The following ACOXL variants were observed in gnomAD, a reference collection of about 807,000 sequenced individuals.
ACOXL encodes the protein acyl-coenzyme A oxidase-like protein.
A neutral mutation model predicts 71.9 loss-of-function variants in ACOXL; 70 were observed. The observed-to-expected ratio is 0.97, with a 90% CI of 0.80 to 1.19. The LOEUF is 1.19. Ranked by LOEUF, ACOXL falls within the 50% of genes most tolerant of loss-of-function variation. The probability of loss-of-function intolerance (pLI) is 0.00; values close to 1 mark genes in which losing one functional copy is unlikely to be tolerated. For synonymous variants in ACOXL, 253 were observed against 281.6 expected (o/e 0.90, Z 1.02); for missense variants, 703 against 736.3 (o/e 0.95, Z 0.52).
At chr2:110,931,438 G>A (rs898118169) in intron 11 of ACOXL, among the ~76,000 whole-genome samples, 1 of 152,154 alleles carries the variant, frequency 6.6e-6, no homozygotes, top group Non-Finnish European at 1.5e-5. Context: ...TTCTCTGAGA[G>A]TCATTGTATT....
chr2:110,908,765 A>G (rs1276475122), intron 10 of ACOXL, 24 bp from the exon 11 acceptor site: 13 of 1,593,076 alleles, frequency 8.2e-6, no homozygotes, highest in Non-Finnish European at 1.1e-5. Flanking sequence ...TTTGGTAAAA[A>G]TCGTGTCTGT....
intron 12 of ACOXL, among the ~76,000 whole-genome samples, chr2:110,952,258 A>G (rs1327668763): frequency 6.6e-6 from 1 of 152,160 alleles, no homozygotes; most frequent in Non-Finnish European, 1.5e-5. Flanking sequence ...AAAATTTATC[A>G]ACCATAAAGT....
At chr2:111,024,587 G>A (rs1380842309) in intron 14 of ACOXL, among the ~76,000 whole-genome samples, 2 of 152,146 alleles carry the variant, frequency 1.3e-5, no homozygotes, top group Admixed American at 6.5e-5. Flanking sequence ...TTAGCCACTA[G>A]GATTGTGGTA....
chr2:110,827,764 G>A (rs988849149), intron 9 of ACOXL, among the ~76,000 whole-genome samples: 1 of 152,116 alleles, frequency 6.6e-6, no homozygotes, highest in African/African-American at 2.4e-5. Context: ...GTGAGGATGA[G>A]GGGAGGAGAG....
chr2:110,782,865 G>T (rs1289155796), intron 2 of ACOXL, among the ~76,000 whole-genome samples: 1 of 152,210 alleles, frequency 6.6e-6, no homozygotes, highest in Non-Finnish European at 1.5e-5. Flanking sequence ...AGGGTTTGTT[G>T]TGATGATTCC....
intron 2 of ACOXL, among the ~76,000 whole-genome samples, chr2:110,773,688 G>T (rs539455030): frequency 6.6e-6 from 1 of 152,324 alleles, no homozygotes; most frequent in African/African-American, 2.4e-5. Context: ...CTAGTGGGCT[G>T]TGACAGGCTC....
intron 12 of ACOXL, among the ~76,000 whole-genome samples, chr2:110,955,739 A>C (rs183044356): frequency 6.6e-6 from 1 of 151,418 alleles, no homozygotes; most frequent in African/African-American, 2.4e-5. Context: ...GGGCGTTTGC[A>C]CAGGCTGCTC....
At position 110,783,459 on chromosome 2, in the gene ACOXL, A is replaced by G. The variant is rs545650472; in HGVS notation, c.76-1273A>G. Among the ~76,000 whole-genome samples, 69 of 152,310 alleles carry G rather than the reference A, an allele frequency of 4.5e-4. 1 individual carries two copies. The highest frequency in any genetic ancestry group is 2.1e-3 in the East Asian group (11 of 5,184). On this transcript the variant is annotated intron_variant, in intron 2 of 17. Transcript: ENST00000439055. ...ATCTTGACAGCCTGCTGTTTGTTCA[A>G]ATTAATAATGGTTGAGAGAAACATT...
At chr2:110,905,413 A>G (rs1232854543) in intron 10 of ACOXL, among the ~76,000 whole-genome samples, 1 of 152,194 alleles carries the variant, frequency 6.6e-6, no homozygotes, top group African/African-American at 2.4e-5. Context: ...AAGTCAAGCT[A>G]TAGCGGACTC....
At chr2:110,784,307 G>T (rs1683684399) in intron 2 of ACOXL, among the ~76,000 whole-genome samples, 1 of 152,162 alleles carries the variant, frequency 6.6e-6, no homozygotes, top group Non-Finnish European at 1.5e-5. Flanking sequence ...ATTCTTTGTT[G>T]GTTGGGGCAT....
intron 8 of ACOXL, among the ~76,000 whole-genome samples, chr2:110,804,658 A>T (rs549194212): frequency 2.7e-4 from 41 of 152,364 alleles, no homozygotes; most frequent in African/African-American, 9.9e-4. Context: ...CCATGAAAAG[A>T]AATGGAGTAC....
chr2:110,803,508 A>T (rs1330366070), intron 8 of ACOXL, among the ~76,000 whole-genome samples: 6 of 152,212 alleles, frequency 3.9e-5, no homozygotes, highest in Non-Finnish European at 8.8e-5. Context: ...CCTACCATAT[A>T]CAAAAATCAA....
chr2:110,976,758 AAAG>A (rs2062462003), intron 12 of ACOXL, among the ~76,000 whole-genome samples: 1 of 152,212 alleles, frequency 6.6e-6, no homozygotes, highest in Non-Finnish European at 1.5e-5. Flanking sequence ...TGTTCAACAG[AAAG>A]AAGCAGGAAG....
chr2:110,853,688 A>G (rs564142817), intron 10 of ACOXL, among the ~76,000 whole-genome samples: 1 of 152,198 alleles, frequency 6.6e-6, no homozygotes, highest in Non-Finnish European at 1.5e-5. Flanking sequence ...AGAGACACAA[A>G]TGCACAGTAG....
chr2:111,083,563 T>A (rs2068041458), intron 16 of ACOXL, among the ~76,000 whole-genome samples: 1 of 150,854 alleles, frequency 6.6e-6, no homozygotes, highest in East Asian at 1.9e-4. Context: ...AGGGTTTTTT[T>A]GTTTTTTTTT....
At chr2:111,081,625 C>G (rs189391480) in intron 16 of ACOXL, among the ~76,000 whole-genome samples, 49 of 152,112 alleles carry the variant, frequency 3.2e-4, no homozygotes, top group Admixed American at 1.0e-3. Flanking sequence ...CAATGCTATC[C>G]CCACCAAGCT....
intron 1 of ACOXL, among the ~76,000 whole-genome samples, chr2:110,749,469 T>C (rs1024325327): frequency 2.6e-5 from 4 of 152,164 alleles, no homozygotes; most frequent in African/African-American, 4.8e-5. Context: ...CTCACGCCTG[T>C]AATCTCAGCA....
At chr2:110,872,611 T>C (rs1229770861) in intron 10 of ACOXL, among the ~76,000 whole-genome samples, 7 of 152,234 alleles carry the variant, frequency 4.6e-5, no homozygotes, top group Non-Finnish European at 7.3e-5. Flanking sequence ...AGCAAGGCCA[T>C]GCCAGGCTTT....
intron 12 of ACOXL, among the ~76,000 whole-genome samples, chr2:110,982,359 T>C (rs762742321): frequency 5.9e-5 from 9 of 152,000 alleles, no homozygotes; most frequent in Non-Finnish European, 8.8e-5. Context: ...CCCTCTCTTC[T>C]CTCCCCGCTC....
Sources: gnomAD v4.1 joint callset for allele counts (sites outside exome capture counted in the v4.1 genomes callset) on GRCh38, gnomAD v4.1.1 for gene constraint, MANE v1.5 for transcripts, NCBI Gene and HGNC (gene_info 2026-07-23, HGNC 2026-07-21) for gene names.